Variants in EHD4 observed in about 807,000 individuals in gnomAD.
The protein encoded by EHD4 is EH domain containing 4, also known as EH domain-containing protein 4.
A neutral mutation model predicts 51.0 loss-of-function variants in EHD4; 37 were observed. That is an observed-to-expected ratio of 0.73 (90% confidence interval 0.56 to 0.95). The LOEUF (loss-of-function observed/expected upper bound fraction) is 0.95, where lower values mean the gene tolerates loss of function less well. Among genes scored for constraint, EHD4 ranks in the 40% least tolerant of loss-of-function variants. The probability of loss-of-function intolerance (pLI) is 0.00; values close to 1 mark genes in which losing one functional copy is unlikely to be tolerated. For synonymous variants in EHD4, 297 were observed against 317.3 expected (o/e 0.94, Z 0.68); for missense variants, 632 against 733.1 (o/e 0.86, Z 1.59).
intron 2 of EHD4, among the ~76,000 whole-genome samples, chr15:41,949,885 C>T (rs1427152193): frequency 6.6e-6 from 1 of 152,172 alleles, no homozygotes; most frequent in African/African-American, 2.4e-5. Context: ...TGGCACTTCC[C>T]TGGCGTCTCA....
In EHD4 at chr15:41,909,731, C is replaced by A. The variant is rs771459487; in HGVS notation, c.1057G>T (p.Ala353Ser). 21 of 1,614,066 alleles carry A rather than the reference C, an allele frequency of 1.3e-5. No homozygotes were observed. Among genetic ancestry groups the A allele is most frequent in the Non-Finnish European group, 1.8e-5 (21 of 1,180,042 alleles). The change falls in exon 5 of 6, where the codon GCA becomes TCA. Residue 353 changes from alanine to serine, a missense_variant. Physicochemically the swap from Ala to Ser is moderately conservative, Grantham distance 99. Coordinates refer to ENST00000220325, the MANE Select transcript of EHD4 (RefSeq NM_139265.4). ...GCCTTGACCTCAGGGAAGTCCCCTG[C>A]AGAAATCTGGTATTCTCGCTGTAGC... ...IQLQREYQIS[A>S]GDFPEVKAMQ...
At chr15:41,971,987 C>G (rs921445551) in intron 1 of EHD4, among the ~76,000 whole-genome samples, 7 of 152,190 alleles carry the variant, frequency 4.6e-5, no homozygotes, top group Non-Finnish European at 8.8e-5. Flanking sequence ...TGGACCCTCC[C>G]GCCAGGGCGA....
chr15:41,920,934 G>A (rs2067620686), intron 3 of EHD4, among the ~76,000 whole-genome samples: 1 of 152,246 alleles, frequency 6.6e-6, no homozygotes, highest in African/African-American at 2.4e-5. Context: ...CTGGTTGGCT[G>A]TGGGGGTGGA....
intron 4 of EHD4, among the ~76,000 whole-genome samples, chr15:41,918,275 A>T (rs74796424): frequency 0.068 from 10,244 of 151,554 alleles, 400 homozygotes; most frequent in South Asian, 0.096. Context: ...TATTCACACA[A>T]GGCCATGTGT....
At chr15:41,940,084 G>T (rs935050603) in intron 3 of EHD4, among the ~76,000 whole-genome samples, 4 of 152,152 alleles carry the variant, frequency 2.6e-5, no homozygotes, top group African/African-American at 7.2e-5. Flanking sequence ...CTCCCAAAGG[G>T]CTGGGATTAT....
chr15:41,916,822 A>G (rs2067587659), intron 4 of EHD4, among the ~76,000 whole-genome samples: 1 of 152,160 alleles, frequency 6.6e-6, no homozygotes, highest in South Asian at 2.1e-4. Context: ...TACTTCAAAC[A>G]TTTTCCTTTG....
intron 2 of EHD4, among the ~76,000 whole-genome samples, chr15:41,949,853 G>A (rs1027181100): frequency 6.6e-6 from 1 of 152,130 alleles, no homozygotes; most frequent in Non-Finnish European, 1.5e-5. Flanking sequence ...GACTGCAAGG[G>A]GAAATGTCAG....
At chr15:41,929,338 G>A (rs2067683772) in intron 3 of EHD4, among the ~76,000 whole-genome samples, 2 of 152,232 alleles carry the variant, frequency 1.3e-5, no homozygotes, top group African/African-American at 4.8e-5. Context: ...AGATGGGTGA[G>A]CCACATGTCC....
chr15:41,949,281 A>G (rs553179336), intron 2 of EHD4, among the ~76,000 whole-genome samples: 2 of 151,570 alleles, frequency 1.3e-5, no homozygotes, highest in East Asian at 3.9e-4. Context: ...GAGAGAGGAG[A>G]ATCACTTCAA....
intron 3 of EHD4, among the ~76,000 whole-genome samples, chr15:41,923,115 C>T (rs2067638444): frequency 6.6e-6 from 1 of 152,166 alleles, no homozygotes; most frequent in Non-Finnish European, 1.5e-5. Context: ...ACCACCACCA[C>T]CATCCAACTG....
At chr15:41,957,798 A>C (rs1271851041) in intron 1 of EHD4, among the ~76,000 whole-genome samples, 1 of 152,224 alleles carries the variant, frequency 6.6e-6, no homozygotes. Context: ...GCAGAAACTC[A>C]GATTCATCTG....
Position 41,919,331 on chromosome 15 carries a change from G to A in EHD4, c.803C>T (p.Thr268Met), listed in dbSNP as rs766831165. ...AGCCTCGAAGAGCCGGCGGTTGTCC[G>A]TGTTCTGCAGGGGCTGCGCCCAGAA... ...GSFWAQPLQNTDNRRLFEAEA... is the reference protein window; with the variant it reads ...GSFWAQPLQNMDNRRLFEAEA... The change falls in exon 4 of 6, where the codon ACG (threonine) becomes ATG (methionine). Residue 268 changes from threonine (T) to methionine (M), a missense_variant. Coordinates refer to ENST00000220325, the MANE Select transcript of EHD4 (RefSeq NM_139265.4). 1.3e-5 allele frequency: 21 copies of A among 1,614,110 alleles called. No homozygotes were observed. Among genetic ancestry groups the A allele is most frequent in the East Asian group, 4.5e-5 (2 of 44,898 alleles).
chr15:41,954,501 A>G (rs1566826501), intron 1 of EHD4, among the ~76,000 whole-genome samples: 1 of 152,226 alleles, frequency 6.6e-6, no homozygotes, highest in Non-Finnish European at 1.5e-5. Context: ...TAAGCCCACA[A>G]TCTGTGACTA....
chr15:41,900,329 C>A lies in EHD4; in HGVS notation c.*316G>T. On this transcript the variant is annotated 3_prime_UTR_variant, in exon 6 of 6. Transcript: ENST00000220325. The surrounding 1 kb of genome is among the most constrained non-coding windows in gnomAD (Gnocchi z 4.8). The stretch of plus-strand genomic sequence containing the variant: ...AGCCTTAGCTCACTTCCTGTGGTTC[C>A]TGGGACTTACCAGGCCCACCCCCAT... 1 of 356,644 alleles carries A rather than the reference C, an allele frequency of 2.8e-6. No homozygotes were observed. The highest frequency in any genetic ancestry group is 5.1e-6 in the Non-Finnish European group (1 of 195,890). The allele number at this position is 356,644 out of a possible 1,614,324, so 22.1% of individuals were successfully genotyped here. A position where few individuals can be genotyped will look rare whatever the true frequency, so the allele number is the denominator to read the frequency against.
chr15:41,939,861 G>A (rs1288350139), intron 3 of EHD4, among the ~76,000 whole-genome samples: 1 of 151,884 alleles, frequency 6.6e-6, no homozygotes, highest in East Asian at 1.9e-4. Context: ...GAGGGGTAAG[G>A]AGTTTCCATA....
chr15:41,972,062 G>A (rs1481626169), intron 1 of EHD4, among the ~76,000 whole-genome samples, 197 bp downstream of exon 1: 2 of 151,964 alleles, frequency 1.3e-5, no homozygotes, highest in Admixed American at 1.3e-4. Flanking sequence ...GAGTGCGCAG[G>A]GCGCGGGTTC....
intron 2 of EHD4, among the ~76,000 whole-genome samples, chr15:41,949,900 A>T (rs2067841735): frequency 1.3e-5 from 2 of 152,146 alleles, no homozygotes; most frequent in Non-Finnish European, 2.9e-5. Context: ...GTCTCAGAGG[A>T]TCCAATGCTC....
rs989553632 is a variant in EHD4, at chr15:41,946,993, T to G, written c.414-3829A>C. The stretch of plus-strand genomic sequence containing the variant: ...AGTTTGAAGTACTTTCCATGCACAT[T>G]AACTCCAGCCTTACTGCAGCCTTAC... On this transcript the variant is annotated intron_variant, in intron 2 of 5. Transcript: ENST00000220325. 4.6e-5 allele frequency among the ~76,000 whole-genome samples: 7 copies of G among 152,192 alleles called. 1 individual carries two copies. Among genetic ancestry groups the G allele is most frequent in the Admixed American group, 3.9e-4 (6 of 15,280 alleles).
chr15:41,931,770 A>G (rs2067700241), intron 3 of EHD4, among the ~76,000 whole-genome samples: 2 of 150,596 alleles, frequency 1.3e-5, no homozygotes, highest in Admixed American at 1.3e-4. Context: ...TCCACCTCCC[A>G]GGTTCAAGTG....
Sources: gnomAD v4.1 joint callset for allele counts (sites outside exome capture counted in the v4.1 genomes callset) on GRCh38, gnomAD v4.1.1 for gene constraint, Gnocchi (gnomAD v3.1) non-coding constraint, MANE v1.5 for transcripts, NCBI Gene and HGNC (gene_info 2026-07-23, HGNC 2026-07-21) for gene names.